The following C2orf76 variants were observed in gnomAD, a reference collection of about 807,000 sequenced individuals.
C2orf76 encodes chromosome 2 open reading frame 76.
Under a neutral mutation model 16.9 loss-of-function variants are expected in C2orf76, and 23 were observed. That is an observed-to-expected ratio of 1.36 (90% CI 0.98 to 1.93). The LOEUF (loss-of-function observed/expected upper bound fraction) is 1.93, where lower values mean the gene tolerates loss of function less well. Ranked by LOEUF, C2orf76 falls within the 30% of genes most tolerant of loss-of-function variation. The pLI is 0.00. For missense variants in C2orf76, 152 were observed against 152.6 expected (o/e 1.00, Z 0.02); for synonymous variants, 48 against 52.3 (o/e 0.92, Z 0.35).
intron 2 of C2orf76, among the ~76,000 whole-genome samples, chr2:119,335,338 T>C (rs970947676): frequency 2.6e-5 from 4 of 152,122 alleles, no homozygotes; most frequent in African/African-American, 9.7e-5. Context: ...TAACACAATT[T>C]TCCACTAAAA....
chr2:119,324,321 T>C (rs1005308686), intron 2 of C2orf76, among the ~76,000 whole-genome samples: 1 of 152,234 alleles, frequency 6.6e-6, no homozygotes, highest in Non-Finnish European at 1.5e-5. Flanking sequence ...TGCCATCTCC[T>C]CTGACAACCC....
At chr2:119,290,231 G>A in the C2orf76 span, among the ~76,000 whole-genome samples, 1,561 of 151,790 alleles carry the variant, frequency 0.01, 29 homozygotes, top group African/African-American at 0.036. Context: ...GGTTTGAGAA[G>A]GAATTTTTTA....
At chr2:119,339,562 T>A (rs1178431322) in intron 2 of C2orf76, among the ~76,000 whole-genome samples, 2 of 142,276 alleles carry the variant, frequency 1.4e-5, no homozygotes, top group Admixed American at 1.4e-4. Context: ...CAAACCTAGA[T>A]ATTACTTTTA....
chr2:119,320,993 A>G (rs1333074370), intron 3 of C2orf76, among the ~76,000 whole-genome samples, 161 bp downstream of exon 3: 2 of 152,190 alleles, frequency 1.3e-5, no homozygotes, highest in Admixed American at 6.5e-5. Flanking sequence ...TTACTATTAC[A>G]ATTCATTTCA....
At chr2:119,305,924 CA>C (rs757007575) in intron 5 of C2orf76, among the ~76,000 whole-genome samples, 23 of 69,892 alleles carry the variant, frequency 3.3e-4, no homozygotes, top group Admixed American at 1.2e-3. Context: ...AACAACTAGC[CA>C]AAAAAAAAAA....
chr2:119,325,200 C>T (rs114041883), intron 2 of C2orf76, among the ~76,000 whole-genome samples: 2,067 of 152,092 alleles, frequency 0.014, 53 homozygotes, highest in African/African-American at 0.048. Flanking sequence ...AAAGACACAC[C>T]TGCAATCCCA....
intron 5 of C2orf76, chr2:119,311,263 CATT>C: frequency 1.0e-6 from 1 of 985,430 alleles, no homozygotes; most frequent in Non-Finnish European, 1.2e-6. Flanking sequence ...CATTATTCCT[CATT>C]AGTTCTTACT....
In C2orf76 at chr2:119,334,703, A is replaced by AAATAT. The variant is rs1553448071; in HGVS notation, c.133+5123_133+5124insATATT. ...GAGACTCTCTCTCAGAAAAAAACAAAATATATATATATATATATTTAAGAA... is the reference window on the plus strand; with the variant it reads ...GAGACTCTCTCTCAGAAAAAAACAAAAATATATATATATATATATATATTTAAGAA... On this transcript the variant is annotated intron_variant, in intron 2 of 5. Transcript: ENST00000334816. 1.8e-4 allele frequency among the ~76,000 whole-genome samples: 27 copies of AAATAT among 146,182 alleles called. 1 individual carries two copies. In the South Asian group the frequency reaches 1.9e-3, roughly 10 times the overall value.
chr2:119,362,872 G>C (rs1379610720), intron 1 of C2orf76, among the ~76,000 whole-genome samples: 1 of 152,118 alleles, frequency 6.6e-6, no homozygotes, highest in South Asian at 2.1e-4. Flanking sequence ...TGCCACACCT[G>C]TTTACTCTTC....
chr2:119,306,151 G>A (rs1638610194), intron 5 of C2orf76, among the ~76,000 whole-genome samples: 1 of 151,996 alleles, frequency 6.6e-6, no homozygotes, highest in South Asian at 2.1e-4. Flanking sequence ...AGTGAAGAAC[G>A]GCCACCATAA....
At chr2:119,359,141 G>A (rs550923962) in intron 1 of C2orf76, among the ~76,000 whole-genome samples, 9 of 152,270 alleles carry the variant, frequency 5.9e-5, no homozygotes, top group African/African-American at 1.9e-4. Flanking sequence ...TACCTGTGCT[G>A]TATAAGCGGA....
chr2:119,359,290 C>A (rs1490079898), intron 1 of C2orf76, among the ~76,000 whole-genome samples: 1 of 152,218 alleles, frequency 6.6e-6, no homozygotes, highest in Non-Finnish European at 1.5e-5. Context: ...CACCTGGCCA[C>A]CCGAGTGCTC....
At chr2:119,367,053 T>C (rs1178606897), upstream of C2orf76, 1 of 1,614,108 alleles carries the variant, frequency 6.2e-7, no homozygotes, top group Non-Finnish European at 8.5e-7. Context: ...TCGGCCAGGA[T>C]GTCTCAGGTA....
At chr2:119,341,995 A>T (rs1385166838) in intron 1 of C2orf76, among the ~76,000 whole-genome samples, 1 of 152,220 alleles carries the variant, frequency 6.6e-6, no homozygotes, top group Non-Finnish European at 1.5e-5. Flanking sequence ...CTACAATTTC[A>T]TTCATACATA....
At chr2:119,307,978 C>T (rs1678852022) in intron 5 of C2orf76, among the ~76,000 whole-genome samples, 1 of 152,154 alleles carries the variant, frequency 6.6e-6, no homozygotes, top group Non-Finnish European at 1.5e-5. Context: ...TTTACACAAC[C>T]TTTATGACAA....
At chr2:119,360,119 G>C (rs980178590) in intron 1 of C2orf76, among the ~76,000 whole-genome samples, 3 of 152,192 alleles carry the variant, frequency 2.0e-5, no homozygotes, top group African/African-American at 7.2e-5. Context: ...ACCAGCAAAA[G>C]GATCATGACT....
intron 1 of C2orf76, among the ~76,000 whole-genome samples, chr2:119,359,915 G>C (rs1573693238): frequency 6.6e-6 from 1 of 152,184 alleles, no homozygotes; most frequent in Admixed American, 6.5e-5. Context: ...CTCCAATTTT[G>C]AAAGTTCTGC....
At chr2:119,335,615 G>A (rs941091815) in intron 2 of C2orf76, among the ~76,000 whole-genome samples, 15 of 152,308 alleles carry the variant, frequency 9.8e-5, no homozygotes, top group Admixed American at 2.6e-4. Context: ...CATAACTCCC[G>A]AGTGTTTAAC....
chr2:119,361,692 C>A (rs1374374745), intron 1 of C2orf76, among the ~76,000 whole-genome samples: 1 of 152,146 alleles, frequency 6.6e-6, no homozygotes, highest in African/African-American at 2.4e-5. Context: ...CAATCCCCCA[C>A]AGATATTGAC....
Sources: gnomAD v4.1 joint callset for allele counts (sites outside exome capture counted in the v4.1 genomes callset) on GRCh38, gnomAD v4.1.1 for gene constraint, MANE v1.5 for transcripts, NCBI Gene and HGNC (gene_info 2026-07-23, HGNC 2026-07-21) for gene names.